The following RPS6KA6 variants were observed in gnomAD, a reference collection of about 807,000 sequenced individuals.
RPS6KA6 encodes ribosomal protein S6 kinase A6, also known as ribosomal protein S6 kinase alpha-6.
In RPS6KA6, 27 loss-of-function variants were observed where a neutral mutation model predicts 65.4. The observed-to-expected ratio is 0.41, with a 90% CI of 0.30 to 0.57. The LOEUF is 0.57. Among genes scored for constraint, RPS6KA6 ranks in the 20% least tolerant of loss-of-function variants. The pLI, the probability that RPS6KA6 is intolerant of heterozygous loss-of-function variation, is 0.24. For synonymous variants in RPS6KA6, 190 were observed against 184.2 expected (o/e 1.03, Z -0.26); for missense variants, 486 against 555.6 (o/e 0.87, Z 1.26).
chrX:84,146,880 C>T lies in RPS6KA6; in HGVS notation c.421+98G>A, dbSNP rs187701545. On this transcript the variant is annotated intron_variant, in intron 5 of 21. Transcript: ENST00000262752. ...TATACTAAGTCTAAAGTATTTATTT[C>T]CTGTTATAGTATTGTGTGAAAGGAA... is the stretch of plus-strand genomic sequence containing the variant. The T allele has an allele frequency of 5.5e-4, 233 of 424,869 alleles. No individual in the cohort carries two copies. In the African/African-American group the frequency reaches 5.6e-3, roughly 10 times the overall value. The allele number at this position is 424,869 out of a possible 1,213,427, so 35.0% of individuals were successfully genotyped here.
At chrX:84,107,262 C>T (rs139420094) in intron 13 of RPS6KA6, among the ~76,000 whole-genome samples, 1,189 of 111,600 alleles carry the variant, frequency 0.011, 19 homozygotes, top group African/African-American at 0.034. Flanking sequence ...TTGCTTAGTA[C>T]ATAGTAGGTA....
At chrX:84,139,304 C>A (rs190143132) in intron 6 of RPS6KA6, among the ~76,000 whole-genome samples, 2 of 112,072 alleles carry the variant, frequency 1.8e-5, no homozygotes, top group African/African-American at 6.5e-5. Context: ...CTTCTAAAAT[C>A]TAACGCAAGA....
At chrX:84,072,744 T>C (rs1474952397) in intron 20 of RPS6KA6, among the ~76,000 whole-genome samples, 1 of 111,629 alleles carries the variant, frequency 9.0e-6, no homozygotes, top group Non-Finnish European at 1.9e-5. Flanking sequence ...CATTTCTATA[T>C]GACAAGAGTG....
chrX:84,107,062 TTAATTA>T, intron 13 of RPS6KA6, 22 bp from the exon 14 acceptor site: 1 of 1,165,299 alleles, frequency 8.6e-7, no homozygotes, highest in Non-Finnish European at 1.2e-6. Context: ...ATAATTACAT[TTAATTA>T]TAACTACACA....
rs191311819 is a variant in RPS6KA6 at position 84,131,700 on chromosome X, G to A, written c.646+3082C>T. ...ATAATTTGCTCAGCAATCAACTGAC[G>A]AAAATTGTACAACTATAAAACTAGC... On this transcript the variant is annotated intron_variant, in intron 8 of 21. Transcript: ENST00000262752. 9.8e-3 allele frequency among the ~76,000 whole-genome samples: 1,093 copies of A among 111,816 alleles called. 17 individuals carry two copies. Among genetic ancestry groups the A allele is most frequent in the African/African-American group, 0.034 (1,047 of 30,779 alleles).
intron 20 of RPS6KA6, among the ~76,000 whole-genome samples, chrX:84,075,189 G>A (rs1192665985): frequency 3.6e-5 from 4 of 111,340 alleles, no homozygotes; most frequent in South Asian, 3.8e-4. Context: ...CCAAGATTGC[G>A]CCACTGCACT....
intron 6 of RPS6KA6, among the ~76,000 whole-genome samples, chrX:84,145,149 T>C (rs932329874): frequency 1.7e-4 from 19 of 111,382 alleles, no homozygotes; most frequent in African/African-American, 6.2e-4. Flanking sequence ...CAGTTTATTG[T>C]ATGTCAATTA....
chrX:84,136,021 C>T (rs1002679971), intron 6 of RPS6KA6, among the ~76,000 whole-genome samples: 1 of 111,241 alleles, frequency 9.0e-6, no homozygotes, highest in African/African-American at 3.3e-5. Context: ...TCGTAAGAAT[C>T]AAATCAGTTT....
intron 20 of RPS6KA6, among the ~76,000 whole-genome samples, chrX:84,070,996 A>AT (rs1249867901): frequency 9.0e-6 from 1 of 111,676 alleles, no homozygotes; most frequent in Non-Finnish European, 1.9e-5. Flanking sequence ...GTGATTCCTA[A>AT]TAGTGGGAAA....
At chrX:84,132,644 T>C (rs2034919607) in intron 8 of RPS6KA6, among the ~76,000 whole-genome samples, 1 of 105,811 alleles carries the variant, frequency 9.5e-6, no homozygotes, top group Non-Finnish European at 1.9e-5. Context: ...GATGCAGGAT[T>C]TCAGGAAAAA....
At chrX:84,070,646 C>T (rs2033523456) in intron 20 of RPS6KA6, among the ~76,000 whole-genome samples, 1 of 111,308 alleles carries the variant, frequency 9.0e-6, no homozygotes, top group Admixed American at 9.6e-5. Context: ...AAACTAAAGA[C>T]TCTAAGTAGT....
intron 3 of RPS6KA6, among the ~76,000 whole-genome samples, chrX:84,151,219 TATAG>T (rs1179320550): frequency 5.5e-5 from 5 of 91,711 alleles, no homozygotes; most frequent in African/African-American, 1.5e-4. Flanking sequence ...ATAGGATATA[TATAG>T]ATATAGATAT....
rs1192007699 is a variant in RPS6KA6 at position 84,151,025 on chromosome X, TATATAGAGAGG to T, written c.259-2913_259-2903del. ...ATAGAGAGGATATATAGAGAGAGGA[TATATAGAGAGG>T]ATATATATATAGAGGATAGATATAT... On this transcript the variant is annotated intron_variant, in intron 3 of 21. Transcript: ENST00000262752. Among the ~76,000 whole-genome samples, 13 of 37,471 alleles carry T rather than the reference TATATAGAGAGG, an allele frequency of 3.5e-4. 1 individual carries two copies. Among genetic ancestry groups the T allele is most frequent in the Admixed American group, 9.8e-4 (2 of 2,047 alleles). The allele number at this position is 37,471 out of a possible 115,157, so 32.5% of individuals were successfully genotyped here. A position where few individuals can be genotyped will look rare whatever the true frequency, so the allele number is the denominator to read the frequency against.
At position 84,117,203 on chromosome X, in the gene RPS6KA6, G is replaced by GA. The variant is rs2147465821; in HGVS notation, c.861-56dup. The GA allele has an allele frequency of 3.1e-6, 3 of 967,939 alleles. No homozygotes were observed. In the South Asian group the frequency reaches 6.8e-5, roughly 22 times the overall value. 79.8% of individuals were successfully genotyped at this position (967,939 alleles called of 1,213,427 possible). On this transcript the variant is annotated intron_variant, in intron 10 of 21. Coordinates refer to ENST00000262752, the MANE Select transcript of RPS6KA6 (RefSeq NM_014496.5). ...TTAAATTTAGCCACATTTTTGATTT[G>GA]AAAAATCTCAAAAAGAACTTTTAAA... is the stretch of plus-strand genomic sequence containing the variant.
At chrX:84,148,779 G>T (rs1282051496) in intron 3 of RPS6KA6, among the ~76,000 whole-genome samples, 2 of 111,589 alleles carry the variant, frequency 1.8e-5, no homozygotes, top group African/African-American at 3.3e-5. Context: ...TCTTATTGCT[G>T]GTGGAGGGTC....
intron 19 of RPS6KA6, among the ~76,000 whole-genome samples, chrX:84,097,064 ATATT>A (rs1419310474): frequency 9.0e-6 from 1 of 111,419 alleles, no homozygotes; most frequent in African/African-American, 3.2e-5. Context: ...TATGTCAAGC[ATATT>A]TAAACTATAC....
At chrX:84,164,027 A>T (rs910283420) in intron 2 of RPS6KA6, among the ~76,000 whole-genome samples, 1 of 112,399 alleles carries the variant, frequency 8.9e-6, no homozygotes, top group Non-Finnish European at 1.9e-5. Context: ...TAAGTATAAT[A>T]ATTCAGTTAC....
rs1298278689 is a variant in RPS6KA6 at position 84,063,403 on chromosome X, C to T, written c.*874G>A. 1 of 110,760 alleles carries T rather than the reference C, an allele frequency of 9.0e-6. No homozygotes were observed. Among genetic ancestry groups the T allele is most frequent in the African/African-American group, 3.3e-5 (1 of 30,564 alleles). 9.1% of individuals were successfully genotyped at this position (110,760 alleles called of 1,213,427 possible). ...AAGGGGATAGATGATGATTACAATC[C>T]AATTGGTTAACTTGAAAGTCAGTTT... is the stretch of plus-strand genomic sequence containing the variant. On this transcript the variant is annotated 3_prime_UTR_variant, in exon 22 of 22. Transcript: ENST00000262752.
At chrX:84,164,481 C>A in intron 1 of RPS6KA6, 94 bp from the exon 2 acceptor site, 1 of 582,838 alleles carries the variant, frequency 1.7e-6, no homozygotes. Context: ...CTTCCACAAT[C>A]TAACAAGATC....
Sources: allele counts gnomAD v4.1 joint callset (sites outside exome capture counted in the v4.1 genomes callset), GRCh38; gene constraint gnomAD v4.1.1; transcripts MANE v1.5; gene names NCBI Gene and HGNC (gene_info 2026-07-23, HGNC 2026-07-21).